The following KCTD16 variants were observed in gnomAD, a reference collection of about 807,000 sequenced individuals.
KCTD16 encodes the protein potassium channel tetramerization domain containing 16, also known as BTB/POZ domain-containing protein KCTD16.
In KCTD16, 13 loss-of-function variants were observed where a neutral mutation model predicts 33.2. The ratio of observed to expected loss-of-function variants is 0.39; its 90% CI spans 0.25 to 0.62. KCTD16 has a LOEUF of 0.62. Ranked by LOEUF, KCTD16 falls within the 20% of genes least tolerant of loss-of-function variation. The probability of loss-of-function intolerance (pLI) is 0.50; values close to 1 mark genes in which losing one functional copy is unlikely to be tolerated. For synonymous variants in KCTD16, 197 were observed against 195.3 expected, an observed-to-expected ratio of 1.01 and a Z score of -0.07; for missense variants, 441 against 525.1, an observed-to-expected ratio of 0.84 and a Z score of 1.57.
chr5:144,394,032 CCT>C (rs1161760413), intron 3 of KCTD16, among the ~76,000 whole-genome samples: 1 of 146,894 alleles, frequency 6.8e-6, no homozygotes, highest in Non-Finnish European at 1.5e-5. Context: ...CCCAAATAAG[CCT>C]CTCTCTCTGG....
At chr5:144,261,190 A>G (rs556489619) in intron 3 of KCTD16, among the ~76,000 whole-genome samples, 21 of 151,314 alleles carry the variant, frequency 1.4e-4, no homozygotes, top group Admixed American at 1.1e-3. Flanking sequence ...AAAAAGAAAA[A>G]AAAAAAAGGA....
At chr5:144,281,260 T>A (rs1755602148) in intron 3 of KCTD16, among the ~76,000 whole-genome samples, 1 of 152,260 alleles carries the variant, frequency 6.6e-6, no homozygotes, top group Admixed American at 6.5e-5. Context: ...CTGTTCTTTT[T>A]CTTGTTTCTT....
chr5:144,248,458 C>T (rs554665567), intron 3 of KCTD16, among the ~76,000 whole-genome samples: 1 of 152,234 alleles, frequency 6.6e-6, no homozygotes, highest in East Asian at 1.9e-4. Context: ...TGTCCAGTCT[C>T]GTAGGACATT....
At position 144,234,609 on chromosome 5, in the gene KCTD16, G is replaced by A. The variant is rs569615943; in HGVS notation, c.832+27063G>A. Among the ~76,000 whole-genome samples, 34 of 152,086 alleles carry A rather than the reference G, an allele frequency of 2.2e-4. No homozygotes were observed. The South Asian group carries it at 5.4e-3, about 24-fold the overall frequency. ...TGCTACTTGTCAGCTTTATGAGGCC[G>A]GATAAATCACGGGACAAACTGAGTC... is the stretch of plus-strand genomic sequence containing the variant. On this transcript the variant is annotated intron_variant, in intron 3 of 3. Transcript: ENST00000512467.
chr5:144,281,698 A>G (rs1373534763), intron 3 of KCTD16, among the ~76,000 whole-genome samples: 1 of 152,164 alleles, frequency 6.6e-6, no homozygotes, highest in Non-Finnish European at 1.5e-5. Flanking sequence ...TAATTAGGTC[A>G]AATTGATTGA....
rs1264253439 is a variant in KCTD16, at chr5:144,181,632, C to A, written c.-327+7160C>A. 4.6e-5 allele frequency among the ~76,000 whole-genome samples: 7 copies of A among 152,110 alleles called. No individual in the cohort carries two copies. The East Asian group carries it at 1.4e-3, about 29-fold the overall frequency. On this transcript the variant is annotated intron_variant, in intron 2 of 3. Transcript: ENST00000512467. ...AAAGAAGGAGATTCTGCCATTTGTGCAACATGGATGAAACTGGAGGACACT... is the reference window on the plus strand; with the variant it reads ...AAAGAAGGAGATTCTGCCATTTGTGAAACATGGATGAAACTGGAGGACACT...
intron 3 of KCTD16, among the ~76,000 whole-genome samples, chr5:144,293,227 T>C (rs1755944412): frequency 6.6e-6 from 1 of 152,200 alleles, no homozygotes; most frequent in Admixed American, 6.5e-5. Context: ...TTCCAGCTTG[T>C]CTACTTTTAC....
Position 144,276,081 on chromosome 5 carries a change from A to G in KCTD16, c.832+68535A>G, listed in dbSNP as rs78600202. Among the ~76,000 whole-genome samples the G allele has an allele frequency of 1.8e-3, 274 of 152,368 alleles. 1 individual carries two copies. The highest frequency in any genetic ancestry group is 6.1e-3 in the African/African-American group (254 of 41,586). On this transcript the variant is annotated intron_variant, in intron 3 of 3. Transcript: ENST00000512467. ...AAAAGTAATTTTTAGTTATATAAAT[A>G]ATACATGAATACATTTTCCCTTAAA...
intron 3 of KCTD16, among the ~76,000 whole-genome samples, chr5:144,361,038 A>G (rs530081135): frequency 1.5e-4 from 22 of 146,084 alleles, no homozygotes; most frequent in African/African-American, 3.8e-4. Flanking sequence ...ATATCTCCCA[A>G]TGCTATCCCT....
At chr5:144,358,279 A>C (rs1751621686) in intron 3 of KCTD16, among the ~76,000 whole-genome samples, 1 of 152,048 alleles carries the variant, frequency 6.6e-6, no homozygotes, top group South Asian at 2.1e-4. Context: ...CCTGTTGAAG[A>C]CCAACTAAAA....
chr5:144,302,926 A>G (rs758213351), intron 3 of KCTD16, among the ~76,000 whole-genome samples: 9 of 152,224 alleles, frequency 5.9e-5, no homozygotes, highest in Non-Finnish European at 1.0e-4. Context: ...AGCAGTGGAA[A>G]AGAAATGCAG....
chr5:144,294,671 G>T (rs1755988574), intron 3 of KCTD16, among the ~76,000 whole-genome samples: 1 of 152,178 alleles, frequency 6.6e-6, no homozygotes, highest in South Asian at 2.1e-4. Flanking sequence ...GAATTTGGGT[G>T]GCAAAATAGC....
chr5:144,262,748 G>C (rs188189467), intron 3 of KCTD16, among the ~76,000 whole-genome samples: 1 of 152,274 alleles, frequency 6.6e-6, no homozygotes, highest in East Asian at 1.9e-4. Context: ...TACTCATTTA[G>C]AAATCTTCAG....
In KCTD16 at chr5:144,474,341, A is replaced by G; in HGVS notation, c.*227A>G. The G allele has an allele frequency of 2.1e-6, 1 of 481,072 alleles. No individual in the cohort carries two copies. Among genetic ancestry groups the G allele is most frequent in the South Asian group, 2.5e-5 (1 of 39,966 alleles). 29.8% of individuals were successfully genotyped at this position (481,072 alleles called of 1,614,324 possible). A position where few individuals can be genotyped will look rare whatever the true frequency, so the allele number is the denominator to read the frequency against. ...AAGTACAAGAAAATCTTTTTTAGTT[A>G]TTTGTTTGTTTACTTCGTCCCATGT... On this transcript the variant is annotated 3_prime_UTR_variant, in exon 4 of 4. Coordinates refer to ENST00000512467, the MANE Select transcript of KCTD16 (RefSeq NM_020768.4).
chr5:144,449,414 T>C (rs921978332), intron 3 of KCTD16, among the ~76,000 whole-genome samples: 1 of 151,994 alleles, frequency 6.6e-6, no homozygotes. Context: ...AAATCCATAT[T>C]AACCCACAAA....
intron 3 of KCTD16, among the ~76,000 whole-genome samples, chr5:144,273,593 A>G (rs1384078158): frequency 6.6e-6 from 1 of 152,160 alleles, no homozygotes; most frequent in African/African-American, 2.4e-5. Flanking sequence ...AGATGAATAG[A>G]TAAGCACAAT....
intron 3 of KCTD16, among the ~76,000 whole-genome samples, chr5:144,406,624 C>T (rs1752814655): frequency 6.6e-6 from 1 of 152,162 alleles, no homozygotes; most frequent in Non-Finnish European, 1.5e-5. Flanking sequence ...ACATTTACAT[C>T]ACATTTGTGA....
chr5:144,438,996 G>A (rs1166424061), intron 3 of KCTD16, among the ~76,000 whole-genome samples: 1 of 151,268 alleles, frequency 6.6e-6, no homozygotes, highest in Non-Finnish European at 1.5e-5. Context: ...CTTCCTCTGT[G>A]TCTTGCACAT....
At chr5:144,224,336 A>G (rs908100056) in intron 3 of KCTD16, among the ~76,000 whole-genome samples, 10 of 151,470 alleles carry the variant, frequency 6.6e-5, no homozygotes, top group Non-Finnish European at 1.3e-4. Context: ...TATATTGTAA[A>G]TAAAACCCAA....
Sources: gnomAD v4.1 joint callset for allele counts (sites outside exome capture counted in the v4.1 genomes callset) on GRCh38, gnomAD v4.1.1 for gene constraint, MANE v1.5 for transcripts, NCBI Gene and HGNC (gene_info 2026-07-23, HGNC 2026-07-21) for gene names.